Variants in PTPRQ observed in about 807,000 individuals in gnomAD.
PTPRQ encodes the protein protein tyrosine phosphatase receptor type Q, also known as phosphatidylinositol phosphatase PTPRQ.
In PTPRQ, 199 loss-of-function variants were observed where a neutral mutation model predicts 246.0. The observed-to-expected ratio is 0.81, with a 90% CI of 0.72 to 0.91. The LOEUF (loss-of-function observed/expected upper bound fraction) is 0.91, where lower values mean the gene tolerates loss of function less well. Ranked by LOEUF, PTPRQ falls within the 40% of genes least tolerant of loss-of-function variation. The pLI is 0.00. For missense variants in PTPRQ, 2,624 were observed against 2,528.4 expected, an observed-to-expected ratio of 1.04 and a Z score of -0.81; for synonymous variants, 869 against 853.2, an observed-to-expected ratio of 1.02 and a Z score of -0.32.
intron 25 of PTPRQ, among the ~76,000 whole-genome samples, chr12:80,566,689 G>A (rs1896989490): frequency 1.3e-5 from 2 of 151,220 alleles, no homozygotes; most frequent in Non-Finnish European, 2.9e-5. Context: ...ACAGGCACAT[G>A]CCACCACACC....
chr12:80,450,429 T>G (rs1484238629), intron 3 of PTPRQ, among the ~76,000 whole-genome samples: 1 of 152,122 alleles, frequency 6.6e-6, no homozygotes, highest in East Asian at 1.9e-4. Flanking sequence ...ATAGGAGTGG[T>G]GAGAGAGGGC....
chr12:80,598,717 C>T (rs1898047875), intron 26 of PTPRQ, among the ~76,000 whole-genome samples: 1 of 151,736 alleles, frequency 6.6e-6, no homozygotes, highest in African/African-American at 2.4e-5. Flanking sequence ...AGTGGTAGGC[C>T]CTTTTAATAA....
intron 37 of PTPRQ, among the ~76,000 whole-genome samples, chr12:80,651,871 G>A: frequency 6.6e-6 from 1 of 151,460 alleles, no homozygotes; most frequent in East Asian, 1.9e-4. Context: ...CACCATTCCT[G>A]TCCCTTAATA....
At chr12:80,644,080 A>T (rs190334172) in intron 35 of PTPRQ, among the ~76,000 whole-genome samples, 1 of 152,204 alleles carries the variant, frequency 6.6e-6, no homozygotes, top group Non-Finnish European at 1.5e-5. Flanking sequence ...TTAATTCCCT[A>T]TAGATTTCAA....
At chr12:80,619,260 T>C in intron 30 of PTPRQ, 124 bp from the exon 31 acceptor site, 1 of 1,144,936 alleles carries the variant, frequency 8.7e-7, no homozygotes, top group Non-Finnish European at 1.2e-6. Context: ...CAATTCTCTA[T>C]AATTTGTTAT....
At chr12:80,466,607 T>C (rs1893425673) in intron 6 of PTPRQ, among the ~76,000 whole-genome samples, 1 of 152,152 alleles carries the variant, frequency 6.6e-6, no homozygotes, top group Non-Finnish European at 1.5e-5. Context: ...CTTTAAACTA[T>C]ACTACAAGGC....
intron 33 of PTPRQ, among the ~76,000 whole-genome samples, chr12:80,625,228 T>C (rs1400185144): frequency 2.6e-5 from 4 of 152,186 alleles, no homozygotes; most frequent in Admixed American, 2.6e-4. Context: ...GAGTCCTTTT[T>C]TTCTCTCAAA....
Position 80,662,861 on chromosome 12 carries a change from G to A in PTPRQ, c.6192+4800G>A, listed in dbSNP as rs1001408001. Among the ~76,000 whole-genome samples, 3 of 152,024 alleles carry A rather than the reference G, an allele frequency of 2.0e-5. No individual in the cohort carries two copies. The South Asian group carries it at 6.2e-4, about 31-fold the overall frequency. ...AATTAAAGGGCAAAAGTCCAGGCAAGAAGTTTCCTCTCAGAAAAACTCAAA... is the reference window on the plus strand; with the variant it reads ...AATTAAAGGGCAAAAGTCCAGGCAAAAAGTTTCCTCTCAGAAAAACTCAAA... On this transcript the variant is annotated intron_variant, in intron 39 of 44. Coordinates refer to ENST00000644991, the MANE Select transcript of PTPRQ (RefSeq NM_001145026.2).
intron 33 of PTPRQ, among the ~76,000 whole-genome samples, chr12:80,627,192 T>C (rs1899232838): frequency 6.6e-6 from 1 of 152,012 alleles, no homozygotes; most frequent in Admixed American, 6.6e-5. Context: ...TTATCATTTA[T>C]TCCTCCTATC....
intron 23 of PTPRQ, among the ~76,000 whole-genome samples, chr12:80,545,487 G>T (rs1896275868): frequency 6.6e-6 from 1 of 151,878 alleles, no homozygotes; most frequent in Non-Finnish European, 1.5e-5. Context: ...TATCACATAG[G>T]AGATTATCTT....
intron 17 of PTPRQ, among the ~76,000 whole-genome samples, chr12:80,517,487 TG>T (rs750887611): frequency 8.5e-5 from 13 of 152,150 alleles, no homozygotes; most frequent in Non-Finnish European, 1.8e-4. Context: ...CTCAAGCATT[TG>T]TCCTTAGTGT....
chr12:80,593,460 C>T (rs980411412), intron 26 of PTPRQ, among the ~76,000 whole-genome samples: 1 of 152,062 alleles, frequency 6.6e-6, no homozygotes, highest in African/African-American at 2.4e-5. Flanking sequence ...TCTGAGTGTA[C>T]ACCTGTAAAA....
chr12:80,635,044 C>T lies in PTPRQ; in HGVS notation c.5886C>T (p.Asp1962=), dbSNP rs1351186190. 4.5e-6 allele frequency: 7 copies of T among 1,551,132 alleles called. No homozygotes were observed. The highest frequency in any genetic ancestry group is 6.1e-6 in the Non-Finnish European group (7 of 1,146,750). ...LKLDQLITVA[D]LELKDERLTR... ...TGGATCAGCTCATCACAGTGGCAGA[C>T]CTGGAACTGAAGGACGAGAGATTAA... is the stretch of plus-strand genomic sequence containing the variant. Residue 1962 remains aspartate, a synonymous_variant, in exon 35 of 45, where the codon GAC becomes GAT. Transcript: ENST00000644991.
chr12:80,672,926 G>T (rs1404806510), intron 42 of PTPRQ, among the ~76,000 whole-genome samples: 2 of 152,022 alleles, frequency 1.3e-5, no homozygotes, highest in Non-Finnish European at 2.9e-5. Context: ...AAGAGGTTAA[G>T]TTCCACTGAT....
At chr12:80,484,356 G>T (rs1894197604) in intron 8 of PTPRQ, 77 bp from the exon 9 acceptor site, 3 of 1,456,816 alleles carry the variant, frequency 2.1e-6, no homozygotes, top group Non-Finnish European at 1.8e-6. Flanking sequence ...TGTGAACTAA[G>T]AATTTAGGCA....
At chr12:80,565,290 T>A (rs1592661266) in intron 25 of PTPRQ, among the ~76,000 whole-genome samples, 1 of 152,328 alleles carries the variant, frequency 6.6e-6, no homozygotes, top group East Asian at 1.9e-4. Context: ...ACTGATGCTT[T>A]AATATCTCTC....
Position 80,549,530 on chromosome 12 carries a change from G to A in PTPRQ, c.4081G>A (p.Asp1361Asn), listed in dbSNP as rs1275623819. Residue 1361 changes from aspartate to asparagine, a missense_variant, in exon 25 of 45, where the codon GAT becomes AAT. By Grantham distance (23) the Asp-to-Asn change is conservative (BLOSUM62 1). Coordinates refer to ENST00000644991, the MANE Select transcript of PTPRQ (RefSeq NM_001145026.2). ...CTGGCAGTCAGTTTTAGTGAAATGG[G>A]ATCCACCCAAAAAGGCAAATGGAAT... is the stretch of plus-strand genomic sequence containing the variant. Reference protein sequence around the residue: ...TSWQSVLVKWDPPKKANGIIT... With the variant: ...TSWQSVLVKWNPPKKANGIIT... 1 of 1,550,978 alleles carries A rather than the reference G, an allele frequency of 6.4e-7. No individual in the cohort carries two copies. The highest frequency in any genetic ancestry group is 1.4e-5 in the African/African-American group (1 of 72,996).
intron 17 of PTPRQ, among the ~76,000 whole-genome samples, chr12:80,528,495 A>G (rs1422151826): frequency 6.6e-6 from 1 of 151,994 alleles, no homozygotes; most frequent in Non-Finnish European, 1.5e-5. Flanking sequence ...TTCTAATCTC[A>G]CTAATCTTTG....
At chr12:80,493,515 G>A (rs962976983) in intron 10 of PTPRQ, 60 bp downstream of exon 10, 2 of 1,476,460 alleles carry the variant, frequency 1.4e-6, no homozygotes, top group Non-Finnish European at 1.8e-6. Context: ...AGCTAGCACA[G>A]AAATGAACCT....
Sources: gnomAD v4.1 joint callset for allele counts (sites outside exome capture counted in the v4.1 genomes callset) on GRCh38, gnomAD v4.1.1 for gene constraint, MANE v1.5 for transcripts, NCBI Gene and HGNC (gene_info 2026-07-23, HGNC 2026-07-21) for gene names.